The following DTWD2 variants were observed in gnomAD, a reference collection of about 807,000 sequenced individuals.
DTWD2 encodes DTW motif tRNA-uridine aminocarboxypropyltransferase 2.
Under a neutral mutation model 31.8 loss-of-function variants are expected in DTWD2, and 39 were observed. The observed-to-expected ratio is 1.22, with a 90% CI of 0.95 to 1.60. The LOEUF (loss-of-function observed/expected upper bound fraction) is 1.60, where lower values mean the gene tolerates loss of function less well. Among genes scored for constraint, DTWD2 ranks in the 40% most tolerant of loss-of-function variants. DTWD2 has a pLI of 0.00. For synonymous variants in DTWD2, 180 were observed against 142.8 expected, an observed-to-expected ratio of 1.26 and a Z score of -1.86; for missense variants, 515 against 381.5, an observed-to-expected ratio of 1.35 and a Z score of -2.92.
intron 4 of DTWD2, among the ~76,000 whole-genome samples, chr5:118,890,553 T>A (rs940196383): frequency 6.7e-6 from 1 of 149,476 alleles, no homozygotes; most frequent in African/African-American, 2.5e-5. Flanking sequence ...GTGGGGCTTT[T>A]AGGTTTTCCT....
At chr5:118,910,144 T>G (rs756964986) in intron 4 of DTWD2, among the ~76,000 whole-genome samples, 1 of 152,178 alleles carries the variant, frequency 6.6e-6, no homozygotes, top group Non-Finnish European at 1.5e-5. Context: ...ATGGCCAGGG[T>G]GACAATTTTC....
chr5:118,884,165 G>A (rs559168688), intron 4 of DTWD2, among the ~76,000 whole-genome samples: 13 of 152,266 alleles, frequency 8.5e-5, no homozygotes, highest in African/African-American at 2.9e-4. Context: ...TAACATTTGA[G>A]AGTAATGTAT....
chr5:118,849,558 T>C lies in DTWD2; in HGVS notation c.598-1340A>G, dbSNP rs180855268. On this transcript the variant is annotated intron_variant, in intron 4 of 5. Coordinates refer to ENST00000510708, the MANE Select transcript of DTWD2 (RefSeq NM_173666.4). Reference sequence around the variant, plus strand: ...CCCAAAGGATTATAAATCATTCTACTATAAAGATGCATGCACACATATGTT... The same window carrying C: ...CCCAAAGGATTATAAATCATTCTACCATAAAGATGCATGCACACATATGTT... 4.2e-3 allele frequency among the ~76,000 whole-genome samples: 644 copies of C among 152,314 alleles called. 8 individuals are homozygous for C. Among genetic ancestry groups the C allele is most frequent in the East Asian group, 0.029 (151 of 5,180 alleles).
intron 5 of DTWD2, among the ~76,000 whole-genome samples, chr5:118,844,585 G>C (rs545379961): frequency 6.6e-6 from 1 of 152,120 alleles, no homozygotes; most frequent in Non-Finnish European, 1.5e-5. Flanking sequence ...GTAACATTTT[G>C]TATATTACAG....
intron 4 of DTWD2, among the ~76,000 whole-genome samples, chr5:118,864,378 T>C (rs779558220): frequency 3.2e-4 from 47 of 148,504 alleles, no homozygotes; most frequent in Admixed American, 1.6e-3. Flanking sequence ...TGGGGACTGT[T>C]GTGGGGTGGG....
intron 4 of DTWD2, among the ~76,000 whole-genome samples, chr5:118,901,672 T>C (rs879051232): frequency 2.0e-5 from 3 of 152,182 alleles, no homozygotes; most frequent in Admixed American, 1.3e-4. Context: ...CTGAGACCTG[T>C]CAATAAAAAT....
chr5:118,984,562 C>G (rs1045733540), intron 1 of DTWD2, among the ~76,000 whole-genome samples: 2 of 151,896 alleles, frequency 1.3e-5, no homozygotes, highest in East Asian at 1.9e-4. Context: ...TGGCAGATGG[C>G]TGGTGTTTAG....
chr5:118,887,325 C>A (rs1405018129), intron 4 of DTWD2, among the ~76,000 whole-genome samples: 1 of 152,118 alleles, frequency 6.6e-6, no homozygotes, highest in South Asian at 2.1e-4. Flanking sequence ...ATTCCCAGCT[C>A]AACTGACATT....
intron 4 of DTWD2, among the ~76,000 whole-genome samples, chr5:118,899,267 T>A (rs1343567741): frequency 6.6e-6 from 1 of 152,220 alleles, no homozygotes; most frequent in Non-Finnish European, 1.5e-5. Flanking sequence ...AATTCAGACA[T>A]GAGTTATAGT....
At chr5:118,952,339 C>T in intron 1 of DTWD2, among the ~76,000 whole-genome samples, 1 of 152,118 alleles carries the variant, frequency 6.6e-6, no homozygotes, top group Admixed American at 6.5e-5. Context: ...AGCAATAAAG[C>T]TTTTTAATCA....
At chr5:118,907,567 C>T (rs1306752856) in intron 4 of DTWD2, among the ~76,000 whole-genome samples, 1 of 152,060 alleles carries the variant, frequency 6.6e-6, no homozygotes, top group Non-Finnish European at 1.5e-5. Context: ...TCCATCTCTA[C>T]TAAAAATACA....
At chr5:118,948,662 C>G (rs1754393367) in intron 1 of DTWD2, among the ~76,000 whole-genome samples, 1 of 152,130 alleles carries the variant, frequency 6.6e-6, no homozygotes, top group African/African-American at 2.4e-5. Flanking sequence ...GACAGAAAGG[C>G]TACAGGGCAC....
intron 1 of DTWD2, chr5:118,974,266 T>G (rs1460546141): frequency 2.8e-6 from 2 of 725,134 alleles, no homozygotes; most frequent in Admixed American, 2.5e-5. Context: ...CACCCGCAGA[T>G]GACACGCGCT....
At chr5:118,888,040 C>A (rs1752904393) in intron 4 of DTWD2, among the ~76,000 whole-genome samples, 1 of 147,298 alleles carries the variant, frequency 6.8e-6, no homozygotes, top group South Asian at 2.2e-4. Flanking sequence ...TATTCCTGAT[C>A]TCTTTAGCTA....
intron 3 of DTWD2, among the ~76,000 whole-genome samples, chr5:118,930,425 T>G (rs1200504074): frequency 6.6e-6 from 1 of 152,020 alleles, no homozygotes; most frequent in Non-Finnish European, 1.5e-5. Context: ...ATAAAGAGTT[T>G]GAAAGTCATC....
chr5:118,973,743 G>A, intron 1 of DTWD2: 1 of 1,602,806 alleles, frequency 6.2e-7, no homozygotes, highest in South Asian at 1.1e-5. Flanking sequence ...CAGAGTCCCT[G>A]AACTCTCGCT....
At chr5:118,842,738 GC>G (rs1290870297) in intron 5 of DTWD2, among the ~76,000 whole-genome samples, 2 of 150,430 alleles carry the variant, frequency 1.3e-5, no homozygotes, top group Admixed American at 6.6e-5. Context: ...TTTGAGACCA[GC>G]CCAGGCAACA....
At chr5:118,919,321 C>T (rs778957653) in intron 4 of DTWD2, among the ~76,000 whole-genome samples, 3 of 152,220 alleles carry the variant, frequency 2.0e-5, no homozygotes, top group African/African-American at 4.8e-5. Context: ...AGAATGTAAA[C>T]AAATCCCTTC....
intron 1 of DTWD2, among the ~76,000 whole-genome samples, chr5:118,970,268 A>G (rs1198622622): frequency 6.6e-6 from 1 of 152,184 alleles, no homozygotes; most frequent in Non-Finnish European, 1.5e-5. Context: ...CTCTACTAAA[A>G]ACACAAAAAT....
Sources: allele counts gnomAD v4.1 joint callset (sites outside exome capture counted in the v4.1 genomes callset), GRCh38; gene constraint gnomAD v4.1.1; transcripts MANE v1.5; gene names NCBI Gene and HGNC (gene_info 2026-07-23, HGNC 2026-07-21).